The following MAPK6 variants were observed in gnomAD, a reference collection of about 807,000 sequenced individuals.
The protein encoded by MAPK6 is ERK-3.
In MAPK6, 19 loss-of-function variants were observed where a neutral mutation model predicts 59.3. The ratio of observed to expected loss-of-function variants is 0.32; its 90% CI spans 0.22 to 0.47. The LOEUF is 0.47. Ranked by LOEUF, MAPK6 falls within the 20% of genes least tolerant of loss-of-function variation. The pLI is 1.00. For missense variants in MAPK6, 724 were observed against 847.9 expected, an observed-to-expected ratio of 0.85 and a Z score of 1.81; for synonymous variants, 316 against 290.3, an observed-to-expected ratio of 1.09 and a Z score of -0.90.
chr15:52,061,653 C>T lies in MAPK6; in HGVS notation c.1067+153C>T, dbSNP rs116997364. ...AAAATTAGTCAGGTGTGGTGGCAGG[C>T]GCCTGTAGTCCTAGCTACTTGGAGG... On this transcript the variant is annotated intron_variant, in intron 5 of 5. Coordinates refer to ENST00000261845, the MANE Select transcript of MAPK6 (RefSeq NM_002748.4). Among the ~76,000 whole-genome samples the T allele has an allele frequency of 0.013, 1,912 of 152,064 alleles. 64 individuals are homozygous for T. The highest frequency in any genetic ancestry group is 0.069 in the East Asian group (356 of 5,176).
At chr15:52,016,313 C>T (rs552577699), upstream of MAPK6, among the ~76,000 whole-genome samples, 121 of 148,486 alleles carry the variant, frequency 8.1e-4, no homozygotes, top group African/African-American at 2.8e-3. Flanking sequence ...TGCTTGAACC[C>T]GGGAGGCGGA....
At chr15:52,062,580 C>T (rs756042702) in intron 5 of MAPK6, among the ~76,000 whole-genome samples, 1 of 152,014 alleles carries the variant, frequency 6.6e-6, no homozygotes, top group African/African-American at 2.4e-5. Flanking sequence ...GCCTGGCTAA[C>T]GTGGTGAAAC....
chr15:52,022,455 G>A (rs2030572305), intron 1 of MAPK6, among the ~76,000 whole-genome samples: 1 of 152,028 alleles, frequency 6.6e-6, no homozygotes, highest in African/African-American at 2.4e-5. Flanking sequence ...AGAGATGAAT[G>A]TTCACAGTGT....
In MAPK6 at chr15:52,064,762, A is replaced by G. The variant is rs753062718; in HGVS notation, c.1928A>G (p.Glu643Gly). 18 of 1,611,774 alleles carry G rather than the reference A, an allele frequency of 1.1e-5. No homozygotes were observed. Among genetic ancestry groups the G allele is most frequent in the African/African-American group, 2.7e-5 (2 of 74,872 alleles). ...FSRKEDTEML[E>G]TEPVEDGKLG... ...AGGAAAGAAGATACTGAAATGCTAG[A>G]AACTGAGCCAGTAGAGGATGGGAAG... The change falls in exon 6 of 6, where the codon GAA becomes GGA. Residue 643 changes from glutamate (E) to glycine (G), a missense_variant. Around this residue, in one of 4 missense-constraint regions of MAPK6, gnomAD observed 502 missense variants for 507.6 expected, o/e 0.99. Coordinates refer to ENST00000261845, the MANE Select transcript of MAPK6 (RefSeq NM_002748.4).
intron 1 of MAPK6, among the ~76,000 whole-genome samples, chr15:51,979,907 A>G (rs2057168246): frequency 6.6e-6 from 1 of 151,932 alleles, no homozygotes. Context: ...CTCCAAGAGA[A>G]GGAGCTAGAA....
chr15:52,035,310 T>G (rs1380134416), intron 1 of MAPK6, among the ~76,000 whole-genome samples: 2 of 152,164 alleles, frequency 1.3e-5, no homozygotes, highest in Non-Finnish European at 2.9e-5. Flanking sequence ...TCTCTCTGCT[T>G]TTCTGCCTTG....
At chr15:51,998,708 T>TTTTTTTTTTTTTTTTTTTTG (rs71130113) in intron 2 of MAPK6, among the ~76,000 whole-genome samples, 1 of 122,548 alleles carries the variant, frequency 8.2e-6, no homozygotes. Flanking sequence ...TTTTTTTTTT[T>TTTTTTTTTTTTTTTTTTTTG]GAGACGGAGT....
At chr15:52,020,071 C>G (rs2030459705) in intron 1 of MAPK6, 1 of 152,316 alleles carries the variant, frequency 6.6e-6, no homozygotes. Flanking sequence ...AATTTCCTCC[C>G]TCGGCCCTAC....
At chr15:51,973,366 TAC>T (rs1363391534) in intron 1 of MAPK6, among the ~76,000 whole-genome samples, 5 of 152,008 alleles carry the variant, frequency 3.3e-5, no homozygotes. Flanking sequence ...TTTCTTTTGA[TAC>T]AGTGTCTCTG....
intron 2 of MAPK6, among the ~76,000 whole-genome samples, chr15:51,999,189 AG>A (rs1470596398): frequency 6.6e-6 from 1 of 150,616 alleles, no homozygotes; most frequent in Non-Finnish European, 1.5e-5. Context: ...GTAGAGACAG[AG>A]TTTCACCATG....
At chr15:51,984,977 G>A (rs956355603) in intron 2 of MAPK6, among the ~76,000 whole-genome samples, 1 of 152,136 alleles carries the variant, frequency 6.6e-6, no homozygotes, top group Admixed American at 6.5e-5. Context: ...TAATCAACAA[G>A]AAGAATAAAA....
intron 1 of MAPK6, among the ~76,000 whole-genome samples, chr15:52,023,225 G>C (rs1181750339): frequency 6.6e-6 from 1 of 151,668 alleles, no homozygotes. Context: ...CTGCTATCCA[G>C]TTCTTTGTTA....
chr15:52,016,772 G>A (rs1309027576), upstream of MAPK6, among the ~76,000 whole-genome samples: 1 of 152,118 alleles, frequency 6.6e-6, no homozygotes, highest in East Asian at 1.9e-4. Flanking sequence ...TGGGCCAGGT[G>A]TGGTGGCTCA....
chr15:52,046,334 A>G lies in MAPK6; in HGVS notation c.-127A>G. ...CATATGCAATGAACATCAAGAAACCATCTTGCTGTGGAAGCATAATTATTT... is the reference window on the plus strand; with the variant it reads ...CATATGCAATGAACATCAAGAAACCGTCTTGCTGTGGAAGCATAATTATTT... On this transcript the variant is annotated 5_prime_UTR_variant, in exon 2 of 6. Coordinates refer to ENST00000261845, the MANE Select transcript of MAPK6 (RefSeq NM_002748.4). 2.7e-6 allele frequency: 2 copies of G among 728,452 alleles called. No homozygotes were observed. The highest frequency in any genetic ancestry group is 4.6e-6 in the Non-Finnish European group (2 of 433,864). 45.1% of individuals were successfully genotyped at this position (728,452 alleles called of 1,614,324 possible).
chr15:52,017,852 C>A (rs1219348054), upstream of MAPK6: 1 of 152,230 alleles, frequency 6.6e-6, no homozygotes, highest in Non-Finnish European at 1.5e-5. Flanking sequence ...GGCAGTGGGG[C>A]TGAAGGTACG....
intron 2 of MAPK6, among the ~76,000 whole-genome samples, chr15:51,999,358 G>T (rs890083136): frequency 1.3e-5 from 2 of 152,128 alleles, no homozygotes; most frequent in African/African-American, 4.8e-5. Flanking sequence ...TTGTAGGTTT[G>T]ATTTACATTT....
At position 52,067,272 on chromosome 15, in the gene MAPK6, G is replaced by A. The variant is rs2032447740; in HGVS notation, c.*2272G>A. ...ACATAGTCATCAAAGGAAGAAGAAAGTAAAACTGAAACCCCTTATATAAAA... is the reference window on the plus strand; with the variant it reads ...ACATAGTCATCAAAGGAAGAAGAAAATAAAACTGAAACCCCTTATATAAAA... On this transcript the variant is annotated 3_prime_UTR_variant, in exon 6 of 6. Coordinates refer to ENST00000261845, the MANE Select transcript of MAPK6 (RefSeq NM_002748.4). 6.6e-6 allele frequency: 1 copy of A among 152,150 alleles called. No individual in the cohort carries two copies. Among genetic ancestry groups the A allele is most frequent in the Non-Finnish European group, 1.5e-5 (1 of 68,022 alleles). The allele number at this position is 152,150 out of a possible 1,614,324, so 9.4% of individuals were successfully genotyped here.
intron 1 of MAPK6, among the ~76,000 whole-genome samples, chr15:52,025,915 C>T (rs1566903289): frequency 6.6e-6 from 1 of 152,140 alleles, no homozygotes. Flanking sequence ...AATAATTGTC[C>T]TTTCTTAATG....
intron 3 of MAPK6, among the ~76,000 whole-genome samples, chr15:52,051,284 C>G (rs1425763828): frequency 6.6e-6 from 1 of 152,070 alleles, no homozygotes; most frequent in African/African-American, 2.4e-5. Context: ...GTCTCGATCT[C>G]CTGACCTCGT....
Sources: allele counts gnomAD v4.1 joint callset (sites outside exome capture counted in the v4.1 genomes callset), GRCh38; gene constraint gnomAD v4.1.1; regional missense constraint gnomAD v4.1.1; transcripts MANE v1.5; gene names NCBI Gene and HGNC (gene_info 2026-07-23, HGNC 2026-07-21).